STXBP5L: variants seen among roughly 807,000 people sequenced by gnomAD.
The protein encoded by STXBP5L is syntaxin binding protein 5L.
Under a neutral mutation model 144.5 loss-of-function variants are expected in STXBP5L, and 65 were observed. The ratio of observed to expected loss-of-function variants is 0.45; its 90% CI spans 0.37 to 0.55. STXBP5L has a LOEUF of 0.55. STXBP5L is among the 20% of genes least tolerant of loss of function. STXBP5L has a pLI of 0.00. For synonymous variants in STXBP5L, 505 were observed against 469.6 expected (o/e 1.08, Z -0.97); for missense variants, 1,298 against 1,405.5 (o/e 0.92, Z 1.22).
chr3:121,196,917 A>C (rs1481373610), intron 9 of STXBP5L, among the ~76,000 whole-genome samples: 1 of 152,158 alleles, frequency 6.6e-6, no homozygotes, highest in African/African-American at 2.4e-5. Flanking sequence ...CCCTGGACTC[A>C]AGCAATCTTT....
intron 9 of STXBP5L, among the ~76,000 whole-genome samples, chr3:121,182,026 A>C (rs1018519118): frequency 1.3e-5 from 2 of 152,182 alleles, no homozygotes; most frequent in African/African-American, 4.8e-5. Context: ...TTTATGAAAC[A>C]ATTACTACTA....
intron 19 of STXBP5L, among the ~76,000 whole-genome samples, chr3:121,310,861 A>T (rs2043501741): frequency 6.6e-6 from 1 of 152,046 alleles, no homozygotes; most frequent in African/African-American, 2.4e-5. Context: ...GTGAGCCAAG[A>T]TCGCACCACT....
At chr3:120,994,329 A>T (rs1225726877) in intron 3 of STXBP5L, among the ~76,000 whole-genome samples, 1 of 151,996 alleles carries the variant, frequency 6.6e-6, no homozygotes, top group Non-Finnish European at 1.5e-5. Context: ...ACTATGTTTT[A>T]TGGATGTGGT....
intron 3 of STXBP5L, among the ~76,000 whole-genome samples, chr3:120,978,777 C>T (rs1405620936): frequency 6.6e-6 from 1 of 152,208 alleles, no homozygotes; most frequent in South Asian, 2.1e-4. Context: ...GGACCCTCAG[C>T]TGCAGGTCTG....
chr3:121,012,458 A>G (rs1269963609), intron 3 of STXBP5L, among the ~76,000 whole-genome samples: 1 of 151,746 alleles, frequency 6.6e-6, no homozygotes, highest in Non-Finnish European at 1.5e-5. Flanking sequence ...AAATTTCTTT[A>G]TATCTTCCAT....
At chr3:121,061,112 G>T (rs1271644620) in intron 5 of STXBP5L, among the ~76,000 whole-genome samples, 1 of 152,158 alleles carries the variant, frequency 6.6e-6, no homozygotes, top group African/African-American at 2.4e-5. Flanking sequence ...GGCATTTAAT[G>T]CTATAAATTT....
At chr3:121,153,898 T>A (rs1184008900) in intron 8 of STXBP5L, among the ~76,000 whole-genome samples, 1 of 151,870 alleles carries the variant, frequency 6.6e-6, no homozygotes, top group Non-Finnish European at 1.5e-5. Flanking sequence ...GTTATACAAA[T>A]CATAAAGATG....
intron 19 of STXBP5L, among the ~76,000 whole-genome samples, chr3:121,317,795 G>C (rs1397626636): frequency 6.6e-6 from 1 of 151,816 alleles, no homozygotes; most frequent in East Asian, 1.9e-4. Context: ...AAGAAATATT[G>C]GAAAGAGAAA....
chr3:121,070,947 T>C (rs920270392), intron 5 of STXBP5L, among the ~76,000 whole-genome samples: 1 of 152,184 alleles, frequency 6.6e-6, no homozygotes, highest in Non-Finnish European at 1.5e-5. Context: ...GGTCATAACA[T>C]AGTTGGGGCT....
chr3:120,937,976 T>TG (rs1471994705), intron 2 of STXBP5L, among the ~76,000 whole-genome samples: 4 of 152,150 alleles, frequency 2.6e-5, no homozygotes, highest in Non-Finnish European at 5.9e-5. Flanking sequence ...TAGTGAGTGT[T>TG]TAAGATGTAT....
intron 9 of STXBP5L, among the ~76,000 whole-genome samples, chr3:121,187,929 G>C (rs1434836386): frequency 6.6e-6 from 1 of 151,720 alleles, no homozygotes; most frequent in Non-Finnish European, 1.5e-5. Flanking sequence ...AACCAACAAA[G>C]AGACAGAGAA....
intron 3 of STXBP5L, among the ~76,000 whole-genome samples, chr3:120,994,795 C>T (rs567262483): frequency 2.6e-5 from 4 of 152,062 alleles, no homozygotes; most frequent in Admixed American, 2.0e-4. Context: ...TGGCCTTATA[C>T]ATTGAATTAG....
chr3:121,395,725 A>G (rs1183503363), intron 22 of STXBP5L, among the ~76,000 whole-genome samples: 4 of 152,226 alleles, frequency 2.6e-5, no homozygotes, highest in Non-Finnish European at 5.9e-5. Context: ...AGCAATGGTG[A>G]TACCGCTATC....
chr3:121,257,591 C>G (rs963380627), intron 17 of STXBP5L, among the ~76,000 whole-genome samples: 2 of 152,098 alleles, frequency 1.3e-5, no homozygotes, highest in African/African-American at 2.4e-5. Context: ...GGAAGTTTGG[C>G]AGGGCAGAAA....
intron 3 of STXBP5L, among the ~76,000 whole-genome samples, chr3:120,982,420 C>A (rs1044958534): frequency 6.6e-6 from 1 of 152,158 alleles, no homozygotes; most frequent in African/African-American, 2.4e-5. Flanking sequence ...GTACTGAGCT[C>A]TCTGAAGGAG....
At chr3:121,190,974 A>C (rs1251291830) in intron 9 of STXBP5L, among the ~76,000 whole-genome samples, 1 of 150,290 alleles carries the variant, frequency 6.7e-6, no homozygotes, top group African/African-American at 2.5e-5. Context: ...CCCACATCCC[A>C]GACGATGGGC....
chr3:120,974,388 TG>T (rs1209940246), intron 3 of STXBP5L, among the ~76,000 whole-genome samples: 1 of 151,416 alleles, frequency 6.6e-6, no homozygotes, highest in African/African-American at 2.4e-5. Context: ...TTGATGGGGT[TG>T]TTTGTTTTTT....
chr3:121,040,005 C>T (rs761233696), intron 3 of STXBP5L, among the ~76,000 whole-genome samples: 10 of 151,950 alleles, frequency 6.6e-5, no homozygotes, highest in Non-Finnish European at 1.5e-4. Context: ...ATCTACTTAA[C>T]ATGCTCAATC....
intron 3 of STXBP5L, among the ~76,000 whole-genome samples, chr3:121,009,457 C>A (rs1944605962): frequency 6.6e-6 from 1 of 151,962 alleles, no homozygotes; most frequent in African/African-American, 2.4e-5. Context: ...CTGCTTGGAT[C>A]CTTGCTCAGT....
Sources: gnomAD v4.1 joint callset for allele counts (sites outside exome capture counted in the v4.1 genomes callset) on GRCh38, gnomAD v4.1.1 for gene constraint, MANE v1.5 for transcripts, NCBI Gene and HGNC (gene_info 2026-07-23, HGNC 2026-07-21) for gene names.